GABBR1: variants seen among roughly 807,000 people sequenced by gnomAD.
GABBR1 encodes the protein GABA-B receptor, R1 subunit.
In GABBR1, 35 loss-of-function variants were observed where a neutral mutation model predicts 117.7. That is an observed-to-expected ratio of 0.30 (90% CI 0.23 to 0.39). The LOEUF is 0.39. Ranked by LOEUF, GABBR1 falls within the 10% of genes least tolerant of loss-of-function variation. GABBR1 has a pLI of 1.00. For synonymous variants in GABBR1, 442 were observed against 486.6 expected (o/e 0.91, Z 1.21); for missense variants, 709 against 1,241.8 (o/e 0.57, Z 6.45).
Position 29,630,587 on chromosome 6 carries a change from C to T in GABBR1, c.346G>A (p.Gly116Ser). Residue 116 changes from glycine to serine, a missense_variant, in exon 4 of 23, where the codon GGT becomes AGT. By Grantham distance (56) the Gly-to-Ser change is moderately conservative (BLOSUM62 0). Coordinates refer to ENST00000377034, the MANE Select transcript of GABBR1 (RefSeq NM_001470.4). The surrounding 1 kb of genome is among the most constrained non-coding windows in gnomAD (Gnocchi z 4.9). ...TLENGKVFLT[G>S]GDLPALDGAR... ...CCGTCCAGAGCTGGGAGGTCCCCAC[C>T]CGTCAGGAAAACCTTCCCATTTTCC... 3 of 1,613,044 alleles carry T rather than the reference C, an allele frequency of 1.9e-6. No individual in the cohort carries two copies. The highest frequency in any genetic ancestry group is 2.2e-5 in the East Asian group (1 of 44,888).
Position 29,606,567 on chromosome 6 carries a change from C to G in GABBR1, c.2218-83G>C. On this transcript the variant is annotated intron_variant, in intron 18 of 22. Coordinates refer to ENST00000377034, the MANE Select transcript of GABBR1 (RefSeq NM_001470.4). The surrounding 1 kb of genome is among the most constrained non-coding windows in gnomAD (Gnocchi z 4.5). ...ACGCTTCTCAGTCTCTGGCTTCCAA[C>G]TGTTTTCCTATGAGACCCTCAATGC... is the stretch of plus-strand genomic sequence containing the variant. 1.0e-6 allele frequency: 1 copy of G among 976,578 alleles called. No individual in the cohort carries two copies. The highest frequency in any genetic ancestry group is 2.4e-5 in the East Asian group (1 of 42,042). 60.5% of individuals were successfully genotyped at this position (976,578 alleles called of 1,614,324 possible). A position where few individuals can be genotyped will look rare whatever the true frequency, so the allele number is the denominator to read the frequency against.
chr6:29,608,200 TC>T (rs1464480701), intron 16 of GABBR1, among the ~76,000 whole-genome samples: 5 of 152,138 alleles, frequency 3.3e-5, no homozygotes, highest in Admixed American at 6.5e-5. Flanking sequence ...CTGCTGTGTT[TC>T]CATCTCTGCT....
At position 29,623,260 on chromosome 6, in the gene GABBR1, A is replaced by AGATGTGATTTTATGCTGGAG. The variant is rs756552188; in HGVS notation, c.963+44_963+45insCTCCAGCATAAAATCACATC. 9 of 1,552,738 alleles carry AGATGTGATTTTATGCTGGAG rather than the reference A, an allele frequency of 5.8e-6. No individual in the cohort carries two copies. The South Asian group carries it at 1.1e-4, about 18-fold the overall frequency. The stretch of plus-strand genomic sequence containing the variant: ...CTCACGTCACATCTCCTGGTGCTGG[A>AGATGTGATTTTATGCTGGAG]ATTTGAGCTTATGTCCCTTTACCCC... On this transcript the variant is annotated intron_variant, in intron 8 of 22. Coordinates refer to ENST00000377034, the MANE Select transcript of GABBR1 (RefSeq NM_001470.4). The surrounding 1 kb of genome is among the most constrained non-coding windows in gnomAD (Gnocchi z 6.2).
Position 29,606,050 on chromosome 6 carries a change from C to T in GABBR1, c.2311+341G>A, listed in dbSNP as rs1171036283. 1.9e-6 allele frequency: 1 copy of T among 515,394 alleles called. No individual in the cohort carries two copies. Among genetic ancestry groups the T allele is most frequent in the Non-Finnish European group, 3.5e-6 (1 of 289,814 alleles). The allele number at this position is 515,394 out of a possible 1,614,324, so 31.9% of individuals were successfully genotyped here. Reference sequence around the variant, plus strand: ...GCTTTCCAGGCAGAGGGTAGGTTTGCAATTTGTGACCATGAATCGAACAAT... The same window carrying T: ...GCTTTCCAGGCAGAGGGTAGGTTTGTAATTTGTGACCATGAATCGAACAAT... On this transcript the variant is annotated intron_variant, in intron 19 of 22. Transcript: ENST00000377034. This position sits in a 1 kb window ranked among gnomAD's most constrained non-coding sequence, Gnocchi z 4.5.
chr6:29,632,774 G>T lies in GABBR1; in HGVS notation c.-1+76C>A. On this transcript the variant is annotated intron_variant, in intron 1 of 22. Coordinates refer to ENST00000377034, the MANE Select transcript of GABBR1 (RefSeq NM_001470.4). This position sits in a 1 kb window ranked among gnomAD's most constrained non-coding sequence, Gnocchi z 5.8. Reference sequence around the variant, plus strand: ...GCCCCGCTTCCCCCAGCTGGGCCCTGCGCCCACTGCCCCCTCCCCCACCAC... The same window carrying T: ...GCCCCGCTTCCCCCAGCTGGGCCCTTCGCCCACTGCCCCCTCCCCCACCAC... 1 of 918,700 alleles carries T rather than the reference G, an allele frequency of 1.1e-6. No homozygotes were observed. The highest frequency in any genetic ancestry group is 1.4e-6 in the Non-Finnish European group (1 of 725,390). The allele number at this position is 918,700 out of a possible 1,614,324, so 56.9% of individuals were successfully genotyped here.
chr6:29,623,964 T>A lies in GABBR1; in HGVS notation c.718A>T (p.Ile240Phe). The change falls in exon 7 of 23, where the codon ATC becomes TTC. Residue 240 changes from isoleucine to phenylalanine, a missense_variant. Physicochemically the swap from Ile to Phe is conservative, Grantham distance 21. Transcript: ENST00000377034. The surrounding 1 kb of genome is among the most constrained non-coding windows in gnomAD (Gnocchi z 6.2). The stretch of plus-strand genomic sequence containing the variant: ...GAGCTGCAGCCAGGCATAAGGATGA[T>A]CTTGATAGGGTCGTTGTAGAGCAGC... Reference protein sequence around the residue: ...YELLYNDPIKIILMPGCSSVS... With the variant: ...YELLYNDPIKFILMPGCSSVS... 1 of 1,612,972 alleles carries A rather than the reference T, an allele frequency of 6.2e-7. No homozygotes were observed.
Position 29,623,858 on chromosome 6 carries a change from C to T in GABBR1, c.792+32G>A. 1 of 1,605,176 alleles carries T rather than the reference C, an allele frequency of 6.2e-7. No homozygotes were observed. Among genetic ancestry groups the T allele is most frequent in the South Asian group, 1.1e-5 (1 of 90,074 alleles). On this transcript the variant is annotated intron_variant, in intron 7 of 22. Coordinates refer to ENST00000377034, the MANE Select transcript of GABBR1 (RefSeq NM_001470.4). The surrounding 1 kb of genome is among the most constrained non-coding windows in gnomAD (Gnocchi z 6.2). ...TTCAGTAGAGCTCAAAAGGGAATGA[C>T]CCCATCTTCTGACCCCCATAGCCCT...
chr6:29,630,631 G>A lies in GABBR1; in HGVS notation c.302C>T (p.Ser101Phe). The change falls in exon 4 of 23, where the codon TCC becomes TTC. Residue 101 changes from serine to phenylalanine, a missense_variant. Ser to Phe is a radical substitution (Grantham distance 155). Around this residue, in one of 9 missense-constraint regions of GABBR1, gnomAD observed 101 missense variants for 132.3 expected, o/e 0.76. Transcript: ENST00000377034. This position sits in a 1 kb window ranked among gnomAD's most constrained non-coding sequence, Gnocchi z 4.9. ...ATTTTCCAGGGTCAAATAAGACTTG[G>A]AGCAGATTCGGACTGTGGAGAGATA... The part of the protein sequence containing the change: ...DTPSRCVRIC[S>F]KSYLTLENGK... The A allele has an allele frequency of 6.2e-7, 1 of 1,612,570 alleles. No individual in the cohort carries two copies. The highest frequency in any genetic ancestry group is 1.1e-5 in the South Asian group (1 of 91,074).
rs1319934143 is a variant in GABBR1, at chr6:29,613,399, G to T, written c.1410C>A (p.Ala470=). The change falls in exon 12 of 23, where the codon GCC becomes GCA. Residue 470 remains alanine, a synonymous_variant. Transcript: ENST00000377034. The surrounding 1 kb of genome is among the most constrained non-coding windows in gnomAD (Gnocchi z 4.1). ...GTGCCAAGGCCCAGATGGCATCATAGGCCAGCGGTGCCTCCTGGAAGCCTC... is the reference window on the plus strand; with the variant it reads ...GTGCCAAGGCCCAGATGGCATCATATGCCAGCGGTGCCTCCTGGAAGCCTC... The part of the protein sequence containing the change: ...ETGGFQEAPL[A]YDAIWALALA... 1 of 1,613,136 alleles carries T rather than the reference G, an allele frequency of 6.2e-7. No homozygotes were observed. The highest frequency in any genetic ancestry group is 1.1e-5 in the South Asian group (1 of 91,092).
rs1562080849 is a variant in GABBR1, at chr6:29,606,975, T to C, written c.2139A>G (p.Thr713=). The change falls in exon 18 of 23, where the codon ACA becomes ACG. Residue 713 remains threonine (T), a synonymous_variant. Coordinates refer to ENST00000377034, the MANE Select transcript of GABBR1 (RefSeq NM_001470.4). This position sits in a 1 kb window ranked among gnomAD's most constrained non-coding sequence, Gnocchi z 4.5. The part of the protein sequence containing the change: ...KTLEPWKLYA[T]VGLLVGMDVL... ...CATCCATGCCCACCAGCAGGCCCAC[T>C]GTGGCATACAGCTTCCAGGGTTCCA... 1.2e-6 allele frequency: 2 copies of C among 1,614,234 alleles called. No individual in the cohort carries two copies. Among genetic ancestry groups the C allele is most frequent in the Non-Finnish European group, 1.7e-6 (2 of 1,180,034 alleles).
In GABBR1 at chr6:29,605,413, G is replaced by A; in HGVS notation, c.2439+156C>T. ...TGATACAATGTCTGTAGTGAGCTTT[G>A]TAAACTGTAAAGTGCTTTATAGACC... is the stretch of plus-strand genomic sequence containing the variant. On this transcript the variant is annotated intron_variant, in intron 20 of 22. Coordinates refer to ENST00000377034, the MANE Select transcript of GABBR1 (RefSeq NM_001470.4). This position sits in a 1 kb window ranked among gnomAD's most constrained non-coding sequence, Gnocchi z 4.2. The A allele has an allele frequency of 1.2e-6, 1 of 845,610 alleles. No homozygotes were observed. The highest frequency in any genetic ancestry group is 2.4e-5 in the East Asian group (1 of 40,930). 52.4% of individuals were successfully genotyped at this position (845,610 alleles called of 1,614,324 possible). A position where few individuals can be genotyped will look rare whatever the true frequency, so the allele number is the denominator to read the frequency against.
In GABBR1 at chr6:29,607,088, G is replaced by A. The variant is rs780815385; in HGVS notation, c.2109+14C>T. ...GCCAAGGATCTGGGGGCTGAGGATT[G>A]GGCAGCAGCTCACCTTCCTCCACTC... is the stretch of plus-strand genomic sequence containing the variant. On this transcript the variant is annotated intron_variant, in intron 17 of 22. Transcript: ENST00000377034. The surrounding 1 kb of genome is among the most constrained non-coding windows in gnomAD (Gnocchi z 5.0). 5.6e-6 allele frequency: 9 copies of A among 1,610,910 alleles called. No individual in the cohort carries two copies. Among genetic ancestry groups the A allele is most frequent in the Non-Finnish European group, 7.6e-6 (9 of 1,177,030 alleles).
chr6:29,632,093 C>A lies in GABBR1; in HGVS notation c.85+208G>T, dbSNP rs1047748407. Among the ~76,000 whole-genome samples, 1 of 151,794 alleles carries A rather than the reference C, an allele frequency of 6.6e-6. No homozygotes were observed. Among genetic ancestry groups the A allele is most frequent in the African/African-American group, 2.4e-5 (1 of 41,300 alleles). On this transcript the variant is annotated intron_variant, in intron 2 of 22. Coordinates refer to ENST00000377034, the MANE Select transcript of GABBR1 (RefSeq NM_001470.4). The surrounding 1 kb of genome is among the most constrained non-coding windows in gnomAD (Gnocchi z 5.8). Reference sequence around the variant, plus strand: ...TGCACAGGAAGGTGGTATAGTGTAGCAATGTGGGCAGAGAAAAGAGGTGCT... The same window carrying A: ...TGCACAGGAAGGTGGTATAGTGTAGAAATGTGGGCAGAGAAAAGAGGTGCT...
In GABBR1 at chr6:29,632,158, TA is replaced by T. The variant is rs1321104318; in HGVS notation, c.85+142del. 7.9e-6 allele frequency: 4 copies of T among 508,608 alleles called. No individual in the cohort carries two copies. In the African/African-American group the frequency reaches 8.1e-5, roughly 10 times the overall value. The allele number at this position is 508,608 out of a possible 1,614,324, so 31.5% of individuals were successfully genotyped here. ...GGTGACAGAAGGAGGTCAGCAGTAGTAAAGTCGGGCCGAGCAGAAGGGGTTG... is the reference window on the plus strand; with the variant it reads ...GGTGACAGAAGGAGGTCAGCAGTAGTAAGTCGGGCCGAGCAGAAGGGGTTG... On this transcript the variant is annotated intron_variant, in intron 2 of 22. Coordinates refer to ENST00000377034, the MANE Select transcript of GABBR1 (RefSeq NM_001470.4). The surrounding 1 kb of genome is among the most constrained non-coding windows in gnomAD (Gnocchi z 5.8).
In GABBR1 at chr6:29,632,363, G is replaced by T; in HGVS notation, c.23C>A (p.Ala8Glu). MLLLLLLAPLFLRPPGAG... is the reference protein window; with the variant it reads MLLLLLLEPLFLRPPGAG... ...GCCCGGGGGGCGGAGGAAGAGTGGC[G>T]CCAGTAGCAGCAGCAGCAACATCTA... is the stretch of plus-strand genomic sequence containing the variant. Residue 8 changes from alanine (A) to glutamate (E), a missense_variant, in exon 2 of 23, where the codon GCG becomes GAG. By Grantham distance (107) the Ala-to-Glu change is moderately radical (BLOSUM62 -1). Around this residue, in one of 9 missense-constraint regions of GABBR1, gnomAD observed 43 missense variants for 42.8 expected, o/e 1.00. Coordinates refer to ENST00000377034, the MANE Select transcript of GABBR1 (RefSeq NM_001470.4). This position sits in a 1 kb window ranked among gnomAD's most constrained non-coding sequence, Gnocchi z 5.8. 1 of 1,350,134 alleles carries T rather than the reference G, an allele frequency of 7.4e-7. No homozygotes were observed. The highest frequency in any genetic ancestry group is 9.6e-7 in the Non-Finnish European group (1 of 1,045,724). 83.6% of individuals were successfully genotyped at this position (1,350,134 alleles called of 1,614,324 possible).
At position 29,613,547 on chromosome 6, in the gene GABBR1, C is replaced by A. The variant is rs1762771376; in HGVS notation, c.1324-62G>T. 4 of 1,560,468 alleles carry A rather than the reference C, an allele frequency of 2.6e-6. No homozygotes were observed. The highest frequency in any genetic ancestry group is 3.5e-6 in the Non-Finnish European group (4 of 1,147,108). On this transcript the variant is annotated intron_variant, in intron 11 of 22. Coordinates refer to ENST00000377034, the MANE Select transcript of GABBR1 (RefSeq NM_001470.4). The surrounding 1 kb of genome is among the most constrained non-coding windows in gnomAD (Gnocchi z 4.1). ...GTGTGTGGGTGTGGGGGAAGGGGTG[C>A]AATCCAATTCTGACTCAATCACTTC... is the stretch of plus-strand genomic sequence containing the variant.
chr6:29,614,751 A>G (rs1762889755), intron 11 of GABBR1, among the ~76,000 whole-genome samples: 1 of 152,360 alleles, frequency 6.6e-6, no homozygotes, highest in African/African-American at 2.4e-5. Context: ...AATAGTAGAT[A>G]CGTCTCATTA....
In GABBR1 at chr6:29,610,457, T is replaced by A. The variant is rs528460819; in HGVS notation, c.1708+467A>T. On this transcript the variant is annotated intron_variant, in intron 14 of 22. Transcript: ENST00000377034. ...ATAAAAATAGGAAAATTTTTAAAAA[T>A]ACATATAAAAATAAAAAGCACATTT... 5.3e-5 allele frequency among the ~76,000 whole-genome samples: 8 copies of A among 152,228 alleles called. No homozygotes were observed. The East Asian group carries it at 1.2e-3, about 22-fold the overall frequency.
Position 29,606,333 on chromosome 6 carries a change from C to T in GABBR1, c.2311+58G>A. 2 of 1,283,506 alleles carry T rather than the reference C, an allele frequency of 1.6e-6. No individual in the cohort carries two copies. The highest frequency in any genetic ancestry group is 3.4e-5 in the Admixed American group (2 of 59,506). 79.5% of individuals were successfully genotyped at this position (1,283,506 alleles called of 1,614,324 possible). A position where few individuals can be genotyped will look rare whatever the true frequency, so the allele number is the denominator to read the frequency against. On this transcript the variant is annotated intron_variant, in intron 19 of 22. Coordinates refer to ENST00000377034, the MANE Select transcript of GABBR1 (RefSeq NM_001470.4). This position sits in a 1 kb window ranked among gnomAD's most constrained non-coding sequence, Gnocchi z 4.5. ...CCCCTCTCCCTCCAAGCCCTCTACC[C>T]CTGCCTTCCCTCCTGCCTTTGTGCA...
Sources: gnomAD v4.1 joint callset for allele counts (sites outside exome capture counted in the v4.1 genomes callset) on GRCh38, gnomAD v4.1.1 for gene constraint, gnomAD v4.1.1 regional missense constraint, Gnocchi (gnomAD v3.1) non-coding constraint, MANE v1.5 for transcripts, NCBI Gene and HGNC (gene_info 2026-07-23, HGNC 2026-07-21) for gene names.